Variants in DIAPH2 observed in about 807,000 individuals in gnomAD.
DIAPH2 encodes protein diaphanous homolog 2.
In DIAPH2, 35 loss-of-function variants were observed where a neutral mutation model predicts 92.7. That is an observed-to-expected ratio of 0.38 (90% CI 0.29 to 0.50). The LOEUF is 0.50. DIAPH2 is among the 20% of genes least tolerant of loss of function. The pLI is 0.94. For synonymous variants in DIAPH2, 301 were observed against 280.4 expected (o/e 1.07, Z -0.73); for missense variants, 701 against 819.5 (o/e 0.86, Z 1.77).
chrX:97,157,478 G>A (rs1488971353), intron 22 of DIAPH2, among the ~76,000 whole-genome samples: 1 of 110,977 alleles, frequency 9.0e-6, no homozygotes, highest in Admixed American at 9.6e-5. Flanking sequence ...GCAAAATATA[G>A]TAATTAAGAA....
At chrX:97,013,425 G>A (rs1453356436) in intron 17 of DIAPH2, among the ~76,000 whole-genome samples, 1 of 111,685 alleles carries the variant, frequency 9.0e-6, no homozygotes, top group Non-Finnish European at 1.9e-5. Context: ...GTGGGGGAGG[G>A]AGAGTTATTT....
intron 26 of DIAPH2, among the ~76,000 whole-genome samples, chrX:97,496,168 C>CTT (rs10632820): frequency 0.39 from 21,227 of 53,805 alleles, 4,342 homozygotes; most frequent in East Asian, 0.52. Context: ...GAATTGGTAC[C>CTT]TTTTTTTTTT....
intron 9 of DIAPH2, among the ~76,000 whole-genome samples, chrX:96,924,560 C>T (rs2065567412): frequency 9.0e-6 from 1 of 111,264 alleles, no homozygotes; most frequent in Non-Finnish European, 1.9e-5. Context: ...TCAAAGCTCC[C>T]TCCTCCCTTG....
intron 17 of DIAPH2, among the ~76,000 whole-genome samples, chrX:96,991,536 GGT>G (rs1491435844): frequency 1.2e-4 from 4 of 32,134 alleles, no homozygotes; most frequent in African/African-American, 3.5e-4. Context: ...CCTGTTTTAT[GGT>G]GTTTTTTTTT....
rs182179517 is a variant in DIAPH2, at chrX:97,289,419, C to G, written c.2844+41580C>G. The stretch of plus-strand genomic sequence containing the variant: ...TTGTCCATTTAATAGGCTTCCCCAG[C>G]AGTCCTGCTCTGGTAATTAGCTGGC... On this transcript the variant is annotated intron_variant, in intron 23 of 26. Transcript: ENST00000324765. Among the ~76,000 whole-genome samples the G allele has an allele frequency of 8.0e-5, 9 of 112,077 alleles. No individual in the cohort carries two copies. In the Admixed American group the frequency reaches 8.6e-4, roughly 11 times the overall value.
chrX:96,710,841 TA>T (rs1270306965), intron 1 of DIAPH2, among the ~76,000 whole-genome samples: 1 of 111,567 alleles, frequency 9.0e-6, no homozygotes, highest in Admixed American at 9.5e-5. Context: ...TGTAGTCTTT[TA>T]TCCCTCACCC....
At chrX:97,190,989 G>C (rs187948656) in intron 22 of DIAPH2, among the ~76,000 whole-genome samples, 1 of 110,215 alleles carries the variant, frequency 9.1e-6, no homozygotes, top group East Asian at 2.9e-4. Context: ...TCTGTGTGCA[G>C]TAGCCCCCTC....
At chrX:96,751,575 CAA>C (rs1460113460) in intron 3 of DIAPH2, among the ~76,000 whole-genome samples, 1 of 78,142 alleles carries the variant, frequency 1.3e-5, no homozygotes. Context: ...GACTCTGTCT[CAA>C]AAAAAATAAT....
chrX:96,785,706 A>T (rs1006300501), intron 4 of DIAPH2, among the ~76,000 whole-genome samples: 10 of 108,015 alleles, frequency 9.3e-5, no homozygotes, highest in Non-Finnish European at 1.7e-4. Context: ...CGAACTCCTG[A>T]CCTCAGGTGA....
At chrX:97,355,164 T>C (rs1356285451) in intron 24 of DIAPH2, among the ~76,000 whole-genome samples, 4 of 111,981 alleles carry the variant, frequency 3.6e-5, no homozygotes, top group Non-Finnish European at 7.5e-5. Flanking sequence ...TCTTCCCTTT[T>C]ACAAGGCCTC....
At chrX:97,275,064 T>C (rs2068427493) in intron 23 of DIAPH2, among the ~76,000 whole-genome samples, 1 of 111,854 alleles carries the variant, frequency 8.9e-6, no homozygotes, top group Non-Finnish European at 1.9e-5. Context: ...ACAGCAACAA[T>C]CTGATTTCTC....
intron 23 of DIAPH2, among the ~76,000 whole-genome samples, chrX:97,256,215 A>G (rs2068235146): frequency 1.8e-5 from 2 of 112,464 alleles, no homozygotes; most frequent in African/African-American, 6.4e-5. Context: ...TAAATTACCC[A>G]ATATGAATGT....
chrX:96,950,270 TC>T (rs1415784674), intron 15 of DIAPH2, among the ~76,000 whole-genome samples: 1 of 111,236 alleles, frequency 9.0e-6, no homozygotes, highest in Non-Finnish European at 1.9e-5. Context: ...CATTCACATA[TC>T]CCCTTTTAGT....
chrX:97,464,780 T>C (rs917750457), intron 26 of DIAPH2, among the ~76,000 whole-genome samples: 2 of 112,028 alleles, frequency 1.8e-5, no homozygotes, highest in African/African-American at 6.5e-5. Flanking sequence ...TTAAAGCATA[T>C]TGTGTATTTC....
At chrX:97,456,513 A>G (rs745326823) in intron 26 of DIAPH2, among the ~76,000 whole-genome samples, 1 of 111,934 alleles carries the variant, frequency 8.9e-6, no homozygotes, top group East Asian at 2.8e-4. Flanking sequence ...AGTAAGAGAT[A>G]AGATATGTAT....
At chrX:97,412,883 A>G (rs898650204) in intron 25 of DIAPH2, among the ~76,000 whole-genome samples, 1 of 112,150 alleles carries the variant, frequency 8.9e-6, no homozygotes. Context: ...ATAGACCAAT[A>G]ACAGGCTCTG....
At chrX:96,701,921 C>T (rs2063857577) in intron 1 of DIAPH2, among the ~76,000 whole-genome samples, 1 of 111,217 alleles carries the variant, frequency 9.0e-6, no homozygotes, top group Admixed American at 9.6e-5. Context: ...ATAGTTATTT[C>T]CCACATTTAA....
rs771999741 is a variant in DIAPH2, at chrX:96,945,514, T to C, written c.1445-13T>C. On this transcript the variant is annotated splice_polypyrimidine_tract_variant and intron_variant, in intron 13 of 26. Transcript: ENST00000324765. The stretch of plus-strand genomic sequence containing the variant: ...TGCCATAATTTCGAATCACTTTTGT[T>C]TGATCTTAATAGATTCTTGTGTGAA... 8.6e-7 allele frequency: 1 copy of C among 1,165,323 alleles called. No individual in the cohort carries two copies. The highest frequency in any genetic ancestry group is 1.1e-6 in the Non-Finnish European group (1 of 874,647).
rs1224615239 is a variant in DIAPH2, at chrX:97,319,453, A to G, written c.2845-28663A>G. On this transcript the variant is annotated intron_variant, in intron 23 of 26. Coordinates refer to ENST00000324765, the MANE Select transcript of DIAPH2 (RefSeq NM_006729.5). ...GCCCAGGCCAGACTGCAGTGGCGCT[A>G]TCTCGGCTCACTGCAAGCTCCGCCT... 2.8e-5 allele frequency among the ~76,000 whole-genome samples: 3 copies of G among 107,228 alleles called. No homozygotes were observed. In the Admixed American group the frequency reaches 3.0e-4, roughly 11 times the overall value. 93.1% of individuals were successfully genotyped at this position (107,228 alleles called of 115,157 possible).
Sources: gnomAD v4.1 joint callset for allele counts (sites outside exome capture counted in the v4.1 genomes callset) on GRCh38, gnomAD v4.1.1 for gene constraint, MANE v1.5 for transcripts, NCBI Gene and HGNC (gene_info 2026-07-23, HGNC 2026-07-21) for gene names.